Variants in EPHA6 observed in about 807,000 individuals in gnomAD.
EPHA6 encodes the protein EPH receptor A6, also known as ephrin type-A receptor 6.
A neutral mutation model predicts 112.0 loss-of-function variants in EPHA6; 50 were observed. The ratio of observed to expected loss-of-function variants is 0.45; its 90% CI spans 0.36 to 0.56. The LOEUF (loss-of-function observed/expected upper bound fraction) is 0.56. Ranked by LOEUF, EPHA6 falls within the 20% of genes least tolerant of loss-of-function variation. The pLI, the probability that EPHA6 is intolerant of heterozygous loss-of-function variation, is 0.00. For synonymous variants in EPHA6, 529 were observed against 490.7 expected (o/e 1.08, Z -1.03); for missense variants, 1,280 against 1,417.4 (o/e 0.90, Z 1.56).
chr3:97,198,209 G>A (rs1488302379), intron 3 of EPHA6, among the ~76,000 whole-genome samples: 1 of 152,100 alleles, frequency 6.6e-6, no homozygotes, highest in Non-Finnish European at 1.5e-5. Flanking sequence ...TTCCTGCAGT[G>A]GAGACAATCA....
intron 3 of EPHA6, among the ~76,000 whole-genome samples, chr3:97,171,545 G>A (rs368247511): frequency 6.6e-4 from 100 of 152,154 alleles, no homozygotes; most frequent in South Asian, 4.4e-3. Context: ...TTCAAAGATA[G>A]AACCATCTTA....
intron 2 of EPHA6, among the ~76,000 whole-genome samples, chr3:96,894,798 T>TG (rs1201947705): frequency 3.9e-5 from 6 of 151,934 alleles, no homozygotes; most frequent in Non-Finnish European, 8.8e-5. Flanking sequence ...GGAATAGGAA[T>TG]GCATAGATGA....
At chr3:97,673,549 C>T (rs1236390782) in intron 14 of EPHA6, among the ~76,000 whole-genome samples, 1 of 152,076 alleles carries the variant, frequency 6.6e-6, no homozygotes, top group African/African-American at 2.4e-5. Flanking sequence ...GGAAGAGGCC[C>T]AAAAGGGTAA....
At chr3:97,717,467 AGCTTGGCTT>A (rs1285949112) in intron 14 of EPHA6, among the ~76,000 whole-genome samples, 1 of 152,198 alleles carries the variant, frequency 6.6e-6, no homozygotes, top group Non-Finnish European at 1.5e-5. Flanking sequence ...AGGTGCTGAC[AGCTTGGCTT>A]CTCCTAAGGC....
intron 5 of EPHA6, among the ~76,000 whole-genome samples, chr3:97,327,992 T>C (rs1442838641): frequency 5.5e-4 from 69 of 125,584 alleles, no homozygotes; most frequent in African/African-American, 2.6e-3. Context: ...TATATATGTA[T>C]ATGTGTATGT....
intron 3 of EPHA6, among the ~76,000 whole-genome samples, chr3:97,145,180 T>C (rs1029119292): frequency 6.6e-5 from 10 of 151,512 alleles, no homozygotes; most frequent in African/African-American, 2.4e-4. Context: ...TTTTACTATG[T>C]ATATTAATAA....
intron 5 of EPHA6, among the ~76,000 whole-genome samples, chr3:97,273,359 G>A (rs2079956783): frequency 1.3e-5 from 2 of 152,128 alleles, no homozygotes; most frequent in Admixed American, 1.3e-4. Context: ...AACAAGAGCA[G>A]GGCATTTATG....
At chr3:97,203,298 T>A (rs2077628047) in intron 3 of EPHA6, among the ~76,000 whole-genome samples, 1 of 152,076 alleles carries the variant, frequency 6.6e-6, no homozygotes, top group Non-Finnish European at 1.5e-5. Flanking sequence ...GAGTTGGATA[T>A]TAGCAGTGGA....
At chr3:96,840,129 CTAA>C (rs1201619558) in intron 1 of EPHA6, among the ~76,000 whole-genome samples, 1 of 152,032 alleles carries the variant, frequency 6.6e-6, no homozygotes, top group Non-Finnish European at 1.5e-5. Flanking sequence ...CTGGCTACAG[CTAA>C]TAATATGTCT....
intron 3 of EPHA6, among the ~76,000 whole-genome samples, chr3:97,191,161 G>T (rs1454001481): frequency 1.3e-5 from 2 of 152,024 alleles, no homozygotes; most frequent in Non-Finnish European, 2.9e-5. Flanking sequence ...ACCCTTCAGT[G>T]AAACGGCACC....
intron 7 of EPHA6, among the ~76,000 whole-genome samples, chr3:97,467,142 CT>C (rs1235275683): frequency 1.3e-5 from 2 of 151,762 alleles, no homozygotes; most frequent in African/African-American, 4.8e-5. Flanking sequence ...GGAAATCACA[CT>C]TCAGTTTTCT....
At chr3:96,984,690 G>T (rs957510167) in intron 2 of EPHA6, among the ~76,000 whole-genome samples, 2 of 152,202 alleles carry the variant, frequency 1.3e-5, no homozygotes, top group Admixed American at 6.5e-5. Flanking sequence ...TTGAGCTGGG[G>T]TGTGCTCTAC....
intron 3 of EPHA6, among the ~76,000 whole-genome samples, chr3:97,105,078 T>G (rs978417328): frequency 6.6e-6 from 1 of 150,758 alleles, no homozygotes; most frequent in African/African-American, 2.4e-5. Flanking sequence ...TCTTATTCAT[T>G]AAAAAAAAAC....
rs116462589 is a variant in EPHA6, at chr3:97,399,697, T to A, written c.1607-5453T>A. Among the ~76,000 whole-genome samples, 1,289 of 151,824 alleles carry A rather than the reference T, an allele frequency of 8.5e-3. 20 individuals carry two copies. The highest frequency in any genetic ancestry group is 0.029 in the African/African-American group (1,202 of 41,496). The stretch of plus-strand genomic sequence containing the variant: ...TCCTGATGATTAGTGATGATGAGCA[T>A]TTTTTATATATCTGTTAGTTATTTG... On this transcript the variant is annotated intron_variant, in intron 5 of 17. Coordinates refer to ENST00000389672, the MANE Select transcript of EPHA6 (RefSeq NM_001080448.3).
chr3:96,922,514 A>T (rs139412179), intron 2 of EPHA6, among the ~76,000 whole-genome samples: 2,196 of 152,290 alleles, frequency 0.014, 33 homozygotes, highest in Middle Eastern at 0.024. Context: ...TATATAAGAA[A>T]CTGTATTTTT....
intron 11 of EPHA6, among the ~76,000 whole-genome samples, chr3:97,575,855 C>T (rs906052442): frequency 6.6e-5 from 10 of 152,140 alleles, no homozygotes; most frequent in Non-Finnish European, 1.5e-4. Flanking sequence ...TATAGGTAGA[C>T]TTATATAAAG....
At chr3:96,863,133 T>C (rs1011814386) in intron 1 of EPHA6, among the ~76,000 whole-genome samples, 13 of 152,062 alleles carry the variant, frequency 8.5e-5, no homozygotes, top group African/African-American at 3.1e-4. Context: ...TAAATAATTG[T>C]ATTTTCATTT....
At chr3:96,955,638 G>A (rs1452016657) in intron 2 of EPHA6, among the ~76,000 whole-genome samples, 1 of 152,112 alleles carries the variant, frequency 6.6e-6, no homozygotes, top group Non-Finnish European at 1.5e-5. Context: ...TGCAAAAGCA[G>A]ACAGAAATTT....
chr3:97,326,272 T>C lies in EPHA6; in HGVS notation c.1607-78878T>C, dbSNP rs2082415460. ...TCAGTGTCCAGTGACTGAGTTTTAA[T>C]GTACAGATAGACAACAGCAGCTGTT... On this transcript the variant is annotated intron_variant, in intron 5 of 17. Transcript: ENST00000389672. 4.6e-5 allele frequency among the ~76,000 whole-genome samples: 7 copies of C among 152,122 alleles called. No homozygotes were observed. In the South Asian group the frequency reaches 1.2e-3, roughly 27 times the overall value.
Sources: allele counts gnomAD v4.1 joint callset (sites outside exome capture counted in the v4.1 genomes callset), GRCh38; gene constraint gnomAD v4.1.1; transcripts MANE v1.5; gene names NCBI Gene and HGNC (gene_info 2026-07-23, HGNC 2026-07-21).